KHSRP: variants seen among roughly 807,000 people sequenced by gnomAD.
KHSRP encodes the protein far upstream element-binding protein 2.
A neutral mutation model predicts 94.9 loss-of-function variants in KHSRP; 13 were observed. The observed-to-expected ratio is 0.14, with a 90% confidence interval of 0.09 to 0.22. The LOEUF (loss-of-function observed/expected upper bound fraction) is 0.22, where lower values mean the gene tolerates loss of function less well. Among genes scored for constraint, KHSRP ranks in the 10% least tolerant of loss-of-function variants. The pLI, the probability that KHSRP is intolerant of heterozygous loss-of-function variation, is 1.00. For synonymous variants in KHSRP, 495 were observed against 401.4 expected (o/e 1.23, Z -2.79); for missense variants, 710 against 1,010.0 (o/e 0.70, Z 4.03).
At position 6,421,640 on chromosome 19, in the gene KHSRP, C is replaced by T. The variant is rs2092195573; in HGVS notation, c.385+10G>A. On this transcript the variant is annotated intron_variant, in intron 3 of 18. Coordinates refer to ENST00000600480, the MANE Select transcript of KHSRP (RefSeq NM_001366299.1). ...AGCCACATATCTGCCACCAGACCCCCTGGACTTACAGTCTCCCTGGGAAGC... is the reference window on the plus strand; with the variant it reads ...AGCCACATATCTGCCACCAGACCCCTTGGACTTACAGTCTCCCTGGGAAGC... The T allele has an allele frequency of 1.2e-6, 2 of 1,613,794 alleles. No individual in the cohort carries two copies. Among genetic ancestry groups the T allele is most frequent in the African/African-American group, 2.7e-5 (2 of 74,934 alleles).
Position 6,416,849 on chromosome 19 carries a change from T to C in KHSRP, c.1216A>G (p.Met406Val), listed in dbSNP as rs1280279310. 1 of 1,603,060 alleles carries C rather than the reference T, an allele frequency of 6.2e-7. No homozygotes were observed. The highest frequency in any genetic ancestry group is 8.5e-7 in the Non-Finnish European group (1 of 1,174,900). ...GPPGPPGGPGMPPGGRGRGRG... is the reference protein window; with the variant it reads ...GPPGPPGGPGVPPGGRGRGRG... ...CCTCGGCCTCGGCCCCCCGGGGGCA[T>C]GCCTGGACCCCCTGGAGGACCTGGG... The change falls in exon 13 of 19, where the codon ATG becomes GTG. Residue 406 changes from methionine (M) to valine (V), a missense_variant. Physicochemically the swap from Met to Val is conservative, Grantham distance 21 (BLOSUM62 1). Coordinates refer to ENST00000600480, the MANE Select transcript of KHSRP (RefSeq NM_001366299.1).
intron 11 of KHSRP, 80 bp from the exon 12 acceptor site, chr19:6,417,167 G>A (rs527433145): frequency 2.2e-5 from 24 of 1,096,342 alleles, no homozygotes; most frequent in Non-Finnish European, 2.8e-5. Flanking sequence ...CGCCTCCAGC[G>A]CAGACACCAC....
Position 6,413,206 on chromosome 19 carries a change from T to TAA in KHSRP, c.*1816_*1817dup, listed in dbSNP as rs113170492. ...GAAGAAAACTATTTTATATTTTTCT[T>TAA]AAAAAAAAAAAAACACAAAGTTTGT... On this transcript the variant is annotated 3_prime_UTR_variant, in exon 19 of 19. Transcript: ENST00000600480. The TAA allele has an allele frequency of 1.1e-3, 157 of 142,538 alleles. No individual in the cohort carries two copies. The highest frequency in any genetic ancestry group is 3.3e-3 in the African/African-American group (122 of 37,216). The allele number at this position is 142,538 out of a possible 1,614,324, so 8.8% of individuals were successfully genotyped here. A position where few individuals can be genotyped will look rare whatever the true frequency, so the allele number is the denominator to read the frequency against.
chr19:6,413,920 GAC>G lies in KHSRP; in HGVS notation c.*1102_*1103del, dbSNP rs2092120048. On this transcript the variant is annotated 3_prime_UTR_variant, in exon 19 of 19. Coordinates refer to ENST00000600480, the MANE Select transcript of KHSRP (RefSeq NM_001366299.1). ...CAATTTTGAAAGAAAAAGCATGTGAGACACAGAACAGGCGAGAGAGTGAGGGC... is the reference window on the plus strand; with the variant it reads ...CAATTTTGAAAGAAAAAGCATGTGAGACAGAACAGGCGAGAGAGTGAGGGC... 2 of 556,892 alleles carry G rather than the reference GAC, an allele frequency of 3.6e-6. No individual in the cohort carries two copies. The highest frequency in any genetic ancestry group is 5.1e-4 in the Middle Eastern group (1 of 1,944). The allele number at this position is 556,892 out of a possible 1,614,324, so 34.5% of individuals were successfully genotyped here.
Position 6,416,860 on chromosome 19 carries a change from C to A in KHSRP, c.1205G>T (p.Gly402Val). ...SLRSGPPGPP[G>V]GPGMPPGGRG... is the part of the protein sequence containing the mutation. ...GCCCCCCGGGGGCATGCCTGGACCC[C>A]CTGGAGGACCTGGGGGACCACTCTG... The change falls in exon 13 of 19, where the codon GGG (glycine) becomes GTG (valine). Residue 402 changes from glycine (G) to valine (V), a missense_variant. Physicochemically the swap from Gly to Val is moderately radical, Grantham distance 109. This residue lies in a region of KHSRP where 288 missense variants were observed against 501.1 expected (regional missense o/e 0.57). Coordinates refer to ENST00000600480, the MANE Select transcript of KHSRP (RefSeq NM_001366299.1). 2 of 1,607,066 alleles carry A rather than the reference C, an allele frequency of 1.2e-6. No individual in the cohort carries two copies. Among genetic ancestry groups the A allele is most frequent in the Non-Finnish European group, 1.7e-6 (2 of 1,176,828 alleles).
Position 6,413,949 on chromosome 19 carries a change from C to T in KHSRP, c.*1075G>A, listed in dbSNP as rs961040728. The T allele has an allele frequency of 2.2e-5, 19 of 854,930 alleles. No individual in the cohort carries two copies. The highest frequency in any genetic ancestry group is 6.9e-5 in the African/African-American group (4 of 57,864). The allele number at this position is 854,930 out of a possible 1,614,324, so 53.0% of individuals were successfully genotyped here. A position where few individuals can be genotyped will look rare whatever the true frequency, so the allele number is the denominator to read the frequency against. ...CAGAACAGGCGAGAGAGTGAGGGCCCGGCATGCCCCCAAGTCCCCCCCACC... is the reference window on the plus strand; with the variant it reads ...CAGAACAGGCGAGAGAGTGAGGGCCTGGCATGCCCCCAAGTCCCCCCCACC... On this transcript the variant is annotated 3_prime_UTR_variant, in exon 19 of 19. Transcript: ENST00000600480.
rs368437207 is a variant in KHSRP at position 6,418,905 on chromosome 19, G to A, written c.606-29C>T. The A allele has an allele frequency of 9.9e-6, 15 of 1,519,154 alleles. No individual in the cohort carries two copies. The highest frequency in any genetic ancestry group is 2.8e-5 in the African/African-American group (2 of 71,608). The allele number at this position is 1,519,154 out of a possible 1,614,324, so 94.1% of individuals were successfully genotyped here. ...GGAAGGGGAGGAGCGGGGGATGAGC[G>A]GGTGCCACCGCTGGAGAAAGGTACT... On this transcript the variant is annotated intron_variant, in intron 7 of 18. Coordinates refer to ENST00000600480, the MANE Select transcript of KHSRP (RefSeq NM_001366299.1). This position sits in a 1 kb window ranked among gnomAD's most constrained non-coding sequence, Gnocchi z 4.3.
At position 6,415,321 on chromosome 19, in the gene KHSRP, G is replaced by A. The variant is rs751828064; in HGVS notation, c.1967-20C>T. The A allele has an allele frequency of 5.0e-6, 8 of 1,613,526 alleles. No homozygotes were observed. Among genetic ancestry groups the A allele is most frequent in the Non-Finnish European group, 5.9e-6 (7 of 1,179,808 alleles). ...CTTGCGCTGTGGGTGGACAAAGGCA[G>A]GTGAGAGGCTGTGGGTGAGGGCTGC... On this transcript the variant is annotated intron_variant, in intron 18 of 18. Coordinates refer to ENST00000600480, the MANE Select transcript of KHSRP (RefSeq NM_001366299.1).
At chr19:6,422,533 C>A in intron 1 of KHSRP, 97 bp from the exon 2 acceptor site, 1 of 876,304 alleles carries the variant, frequency 1.1e-6, no homozygotes. Flanking sequence ...ACACGAAAGC[C>A]CATCAGGTCT....
rs1281666817 is a variant in KHSRP, at chr19:6,418,672, C to T, written c.780+30G>A. On this transcript the variant is annotated intron_variant, in intron 8 of 18. Transcript: ENST00000600480. The surrounding 1 kb of genome is among the most constrained non-coding windows in gnomAD (Gnocchi z 4.3). ...GGCGGTGGGGTGTGGCACACGGATG[C>T]AGAGGAAGCTGCCCAGGTGCTGCCC... 1 of 1,613,748 alleles carries T rather than the reference C, an allele frequency of 6.2e-7. No individual in the cohort carries two copies. The highest frequency in any genetic ancestry group is 1.7e-5 in the Admixed American group (1 of 59,994).
chr19:6,417,951 GA>G (rs758347676), intron 10 of KHSRP, 29 bp downstream of exon 10: 196 of 1,608,370 alleles, frequency 1.2e-4, no homozygotes, highest in Non-Finnish European at 1.6e-4. Context: ...TGGCGGGGGA[GA>G]GGGGGGTGAA....
chr19:6,416,837 C>T lies in KHSRP; in HGVS notation c.1228G>A (p.Gly410Ser). 6.3e-7 allele frequency: 1 copy of T among 1,590,204 alleles called. No homozygotes were observed. The highest frequency in any genetic ancestry group is 8.6e-7 in the Non-Finnish European group (1 of 1,169,248). ...CCTTGGCCTCTTCCTCGGCCTCGGC[C>T]CCCCGGGGGCATGCCTGGACCCCCT... Reference protein sequence around the residue: ...PPGGPGMPPGGRGRGRGQGNW... With the variant: ...PPGGPGMPPGSRGRGRGQGNW... Residue 410 changes from glycine (G) to serine (S), a missense_variant, in exon 13 of 19, where the codon GGC becomes AGC. Around this residue, in one of 5 missense-constraint regions of KHSRP, gnomAD observed 288 missense variants for 501.1 expected, o/e 0.57. Coordinates refer to ENST00000600480, the MANE Select transcript of KHSRP (RefSeq NM_001366299.1).
chr19:6,414,891 G>C lies in KHSRP; in HGVS notation c.*133C>G. ...GAGTCTCAGCGCTCCCCAGCATCAC[G>C]ACAGCGGCACACAGGAACAAGCAGC... On this transcript the variant is annotated 3_prime_UTR_variant, in exon 19 of 19. Transcript: ENST00000600480. 1 of 1,367,984 alleles carries C rather than the reference G, an allele frequency of 7.3e-7. No individual in the cohort carries two copies. Among genetic ancestry groups the C allele is most frequent in the Admixed American group, 3.5e-5 (1 of 28,916 alleles). 84.7% of individuals were successfully genotyped at this position (1,367,984 alleles called of 1,614,324 possible).
intron 4 of KHSRP, 180 bp downstream of exon 4, chr19:6,421,098 A>C: frequency 1.6e-6 from 1 of 625,136 alleles, no homozygotes; most frequent in Non-Finnish European, 2.8e-6. Flanking sequence ...CCTTCAGACA[A>C]GGGGTACGAG....
In KHSRP at chr19:6,418,531, C is replaced by A. The variant is rs201647817; in HGVS notation, c.831G>T (p.Thr277=). 7 of 1,613,968 alleles carry A rather than the reference C, an allele frequency of 4.3e-6. No homozygotes were observed. The highest frequency in any genetic ancestry group is 5.9e-6 in the Non-Finnish European group (7 of 1,179,878). The change falls in exon 9 of 19, where the codon ACG becomes ACT. Residue 277 remains threonine (T), a synonymous_variant. Coordinates refer to ENST00000600480, the MANE Select transcript of KHSRP (RefSeq NM_001366299.1). The surrounding 1 kb of genome is among the most constrained non-coding windows in gnomAD (Gnocchi z 4.3). The part of the protein sequence containing the change: ...MILIQDGSQN[T]NVDKPLRIIG... Reference sequence around the variant, plus strand: ...TGATGCGGAGAGGTTTGTCCACATTCGTATTCTGAGATCCGTCCTGAATTA... The same window carrying A: ...TGATGCGGAGAGGTTTGTCCACATTAGTATTCTGAGATCCGTCCTGAATTA...
At position 6,422,216 on chromosome 19, in the gene KHSRP, T is replaced by C. The variant is rs138312054; in HGVS notation, c.346+124A>G. 8.5e-4 allele frequency: 541 copies of C among 637,234 alleles called. 8 individuals are homozygous for C. The East Asian group carries it at 0.012, about 14-fold the overall frequency. The allele number at this position is 637,234 out of a possible 1,614,324, so 39.5% of individuals were successfully genotyped here. Reference sequence around the variant, plus strand: ...ACAAGAAGAATTAACAAGGCCGGGATTGCTGAGGTTTTAAAAGACCAAACA... The same window carrying C: ...ACAAGAAGAATTAACAAGGCCGGGACTGCTGAGGTTTTAAAAGACCAAACA... On this transcript the variant is annotated intron_variant, in intron 2 of 18. Transcript: ENST00000600480.
chr19:6,421,604 CA>C (rs1157092559), intron 3 of KHSRP, 45 bp downstream of exon 3: 6 of 1,608,184 alleles, frequency 3.7e-6, no homozygotes, highest in Non-Finnish European at 5.1e-6. Flanking sequence ...CTGAAAACCT[CA>C]ACCCTCTGAA....
In KHSRP at chr19:6,413,414, T is replaced by G. The variant is rs1299998429; in HGVS notation, c.*1610A>C. ...ATAAAAAGTAAAAACTGCCATACAA[T>G]TTTTTTTGTTGTTCTCATTTTGTTT... On this transcript the variant is annotated 3_prime_UTR_variant, in exon 19 of 19. Transcript: ENST00000600480. 2.5e-6 allele frequency: 1 copy of G among 401,010 alleles called. No individual in the cohort carries two copies. The highest frequency in any genetic ancestry group is 4.9e-6 in the Non-Finnish European group (1 of 203,838). The allele number at this position is 401,010 out of a possible 1,614,324, so 24.8% of individuals were successfully genotyped here.
At position 6,415,321 on chromosome 19, in the gene KHSRP, G is replaced by T. The variant is rs751828064; in HGVS notation, c.1967-20C>A. 6.3e-5 allele frequency: 101 copies of T among 1,613,408 alleles called. No homozygotes were observed. The highest frequency in any genetic ancestry group is 7.5e-5 in the Non-Finnish European group (89 of 1,179,816). ...CTTGCGCTGTGGGTGGACAAAGGCA[G>T]GTGAGAGGCTGTGGGTGAGGGCTGC... On this transcript the variant is annotated intron_variant, in intron 18 of 18. Coordinates refer to ENST00000600480, the MANE Select transcript of KHSRP (RefSeq NM_001366299.1).
Sources: gnomAD v4.1 joint callset for allele counts on GRCh38, gnomAD v4.1.1 for gene constraint, gnomAD v4.1.1 regional missense constraint, Gnocchi (gnomAD v3.1) non-coding constraint, MANE v1.5 for transcripts, NCBI Gene and HGNC (gene_info 2026-07-23, HGNC 2026-07-21) for gene names.